TTLL11: variants seen among roughly 807,000 people sequenced by gnomAD.
The protein encoded by TTLL11 is tubulin tyrosine ligase like 11.
A neutral mutation model predicts 51.7 loss-of-function variants in TTLL11; 42 were observed. The observed-to-expected ratio is 0.81, with a 90% CI of 0.64 to 1.05. The LOEUF (loss-of-function observed/expected upper bound fraction) is 1.05. Among genes scored for constraint, TTLL11 ranks in the 50% least tolerant of loss-of-function variants. The pLI, the probability that TTLL11 is intolerant of heterozygous loss-of-function variation, is 0.00. For synonymous variants in TTLL11, 381 were observed against 383.5 expected, an observed-to-expected ratio of 0.99 and a Z score of 0.08; for missense variants, 799 against 940.4, an observed-to-expected ratio of 0.85 and a Z score of 1.97.
intron 4 of TTLL11, among the ~76,000 whole-genome samples, chr9:121,978,415 C>T (rs1177149848): frequency 6.6e-6 from 1 of 151,996 alleles, no homozygotes; most frequent in Non-Finnish European, 1.5e-5. Context: ...TGACCTTTTA[C>T]CTATGTGATA....
chr9:121,875,980 T>C (rs200046635), intron 6 of TTLL11, among the ~76,000 whole-genome samples: 1 of 152,266 alleles, frequency 6.6e-6, no homozygotes, highest in Non-Finnish European at 1.5e-5. Flanking sequence ...AAGGGCCTAC[T>C]ACATGTCTAA....
intron 1 of TTLL11, among the ~76,000 whole-genome samples, chr9:122,066,214 AGTG>A (rs10618618): frequency 0.36 from 50,790 of 140,418 alleles, 9,405 homozygotes; most frequent in African/African-American, 0.53. Flanking sequence ...TGTTGTTGTT[AGTG>A]GTGGTGGTGG....
intron 6 of TTLL11, among the ~76,000 whole-genome samples, chr9:121,942,478 A>G (rs1267269840): frequency 6.6e-6 from 1 of 152,228 alleles, no homozygotes; most frequent in South Asian, 2.1e-4. Context: ...CCTCGCGATG[A>G]GCATCTTTCC....
chr9:122,011,850 C>T (rs1448646074), intron 3 of TTLL11, among the ~76,000 whole-genome samples: 4 of 152,120 alleles, frequency 2.6e-5, no homozygotes, highest in Non-Finnish European at 4.4e-5. Context: ...GAACTGTTAT[C>T]GATATATTCT....
chr9:122,031,246 T>C (rs1844530975), intron 3 of TTLL11, among the ~76,000 whole-genome samples: 2 of 152,204 alleles, frequency 1.3e-5, no homozygotes, highest in Non-Finnish European at 2.9e-5. Context: ...CACTTGACAA[T>C]TGATTCTGGA....
intron 6 of TTLL11, among the ~76,000 whole-genome samples, chr9:121,924,289 C>T (rs1399670032): frequency 6.6e-6 from 1 of 152,186 alleles, no homozygotes; most frequent in Non-Finnish European, 1.5e-5. Flanking sequence ...CGTGTAGTGA[C>T]GCCGTTGAAT....
chr9:122,002,355 G>A (rs115430657), intron 3 of TTLL11, among the ~76,000 whole-genome samples: 22 of 152,210 alleles, frequency 1.4e-4, no homozygotes, highest in African/African-American at 4.1e-4. Flanking sequence ...CCACTACCAC[G>A]ACCACAACGG....
chr9:122,025,017 T>C (rs886462506), intron 3 of TTLL11, among the ~76,000 whole-genome samples: 2 of 152,028 alleles, frequency 1.3e-5, no homozygotes, highest in Admixed American at 6.6e-5. Flanking sequence ...ACCTACTATG[T>C]AGACACAAAT....
intron 1 of TTLL11, among the ~76,000 whole-genome samples, chr9:122,084,932 G>A (rs955242883): frequency 2.0e-5 from 3 of 152,170 alleles, no homozygotes; most frequent in Non-Finnish European, 2.9e-5. Context: ...GCTAAAACGA[G>A]TTTCCCGTGG....
chr9:122,031,975 T>C, intron 2 of TTLL11, 119 bp from the exon 3 acceptor site: 2 of 1,386,532 alleles, frequency 1.4e-6, no homozygotes, highest in Non-Finnish European at 1.9e-6. Context: ...GGCAGGATTT[T>C]TAAAAAAGGT....
intron 3 of TTLL11, among the ~76,000 whole-genome samples, chr9:122,021,248 GCC>G (rs372222969): frequency 0.4 from 60,845 of 151,778 alleles, 14,445 homozygotes; most frequent in African/African-American, 0.67. Context: ...AGTGCAGAGT[GCC>G]CCAGTAGGAC....
At chr9:121,871,472 AAT>A (rs571185729) in intron 6 of TTLL11, among the ~76,000 whole-genome samples, 161 of 152,256 alleles carry the variant, frequency 1.1e-3, no homozygotes, top group Admixed American at 1.7e-3. Flanking sequence ...GAAAGCACAG[AAT>A]AAATGCCGAC....
chr9:121,940,332 T>C (rs954615250), intron 6 of TTLL11, among the ~76,000 whole-genome samples: 1 of 148,034 alleles, frequency 6.8e-6, no homozygotes, highest in African/African-American at 2.5e-5. Flanking sequence ...CTGTGATCTA[T>C]AACTTTCTCT....
At chr9:121,864,334 G>A (rs1838116333) in intron 7 of TTLL11, among the ~76,000 whole-genome samples, 1 of 152,140 alleles carries the variant, frequency 6.6e-6, no homozygotes, top group Non-Finnish European at 1.5e-5. Flanking sequence ...TTATGCCTGG[G>A]GATGCAGCTC....
At chr9:121,891,081 CCT>C (rs1419170638) in intron 6 of TTLL11, among the ~76,000 whole-genome samples, 1 of 152,184 alleles carries the variant, frequency 6.6e-6, no homozygotes, top group African/African-American at 2.4e-5. Flanking sequence ...CCCATGACAC[CCT>C]GTTTTTAACC....
chr9:121,936,715 C>T (rs546233622), intron 6 of TTLL11, among the ~76,000 whole-genome samples: 13 of 152,328 alleles, frequency 8.5e-5, no homozygotes, highest in African/African-American at 3.1e-4. Context: ...TATAATCTTA[C>T]AGGTCAGAGA....
intron 6 of TTLL11, among the ~76,000 whole-genome samples, chr9:121,947,451 T>G (rs1412952887): frequency 1.3e-5 from 2 of 152,216 alleles, no homozygotes; most frequent in Admixed American, 6.5e-5. Flanking sequence ...TTTTTGAGTT[T>G]AGAGAGATAA....
chr9:122,039,451 C>T (rs1844784770), intron 1 of TTLL11, 83 bp from the exon 2 acceptor site: 1 of 1,068,268 alleles, frequency 9.4e-7, no homozygotes, highest in South Asian at 1.3e-5. Context: ...AAATTCCTGG[C>T]ACCCTGGTGT....
intron 8 of TTLL11, among the ~76,000 whole-genome samples, chr9:121,838,427 C>T (rs1430757762): frequency 2.6e-5 from 4 of 152,134 alleles, no homozygotes; most frequent in African/African-American, 9.7e-5. Context: ...CTTTTAGAAA[C>T]ACAAATCAGG....
Sources: gnomAD v4.1 joint callset for allele counts (sites outside exome capture counted in the v4.1 genomes callset) on GRCh38, gnomAD v4.1.1 for gene constraint, MANE v1.5 for transcripts, NCBI Gene and HGNC (gene_info 2026-07-23, HGNC 2026-07-21) for gene names.